Variants in HECW2 observed in about 807,000 individuals in gnomAD.
The protein encoded by HECW2 is E3 ubiquitin-protein ligase HECW2.
HECW2 carries 61 observed loss-of-function variants against 175.2 expected under a neutral mutation model. The ratio of observed to expected loss-of-function variants is 0.35; its 90% CI spans 0.28 to 0.43. The LOEUF is 0.43. HECW2 is among the 20% of genes least tolerant of loss of function. HECW2 has a pLI of 1.00. For synonymous variants in HECW2, 671 were observed against 731.0 expected (o/e 0.92, Z 1.32); for missense variants, 1,524 against 2,000.5 (o/e 0.76, Z 4.54).
At chr2:196,235,096 T>C (rs1688191441) in intron 21 of HECW2, among the ~76,000 whole-genome samples, 1 of 69,454 alleles carries the variant, frequency 1.4e-5, no homozygotes, top group Non-Finnish European at 3.3e-5. Flanking sequence ...AGGATTATTT[T>C]TGTATTTTTT....
chr2:196,246,470 C>T (rs1298602147), intron 19 of HECW2, among the ~76,000 whole-genome samples: 2 of 152,178 alleles, frequency 1.3e-5, no homozygotes, highest in Admixed American at 6.5e-5. Flanking sequence ...CTGCAAGCTC[C>T]ACCTCCCGGG....
chr2:196,309,767 TA>T (rs1340918988), intron 10 of HECW2, among the ~76,000 whole-genome samples: 2 of 152,022 alleles, frequency 1.3e-5, no homozygotes, highest in South Asian at 4.1e-4. Flanking sequence ...CAATTCAGGA[TA>T]AAAAAATAGA....
chr2:196,352,641 C>G (rs1272733815), intron 2 of HECW2, among the ~76,000 whole-genome samples: 1 of 152,084 alleles, frequency 6.6e-6, no homozygotes, highest in Non-Finnish European at 1.5e-5. Flanking sequence ...AACTGGGTGA[C>G]ATATAGTCAA....
rs1035154200 is a variant in HECW2, at chr2:196,402,026, G to A, written c.292+31106C>T. ...CCATCCTGGCTAACATGGTGAAACC[G>A]TGTCTCTACTAAAAATACAAAAAAA... On this transcript the variant is annotated intron_variant, in intron 2 of 28. Coordinates refer to ENST00000644978, the MANE Select transcript of HECW2 (RefSeq NM_001348768.2). Among the ~76,000 whole-genome samples, 10 of 151,544 alleles carry A rather than the reference G, an allele frequency of 6.6e-5. No individual in the cohort carries two copies. In the East Asian group the frequency reaches 1.6e-3, roughly 24 times the overall value.
chr2:196,492,739 G>C (rs1477997758), intron 1 of HECW2, among the ~76,000 whole-genome samples: 2 of 152,186 alleles, frequency 1.3e-5, no homozygotes, highest in Non-Finnish European at 2.9e-5. Flanking sequence ...AATATCAGTA[G>C]TGGCAAGTAA....
At chr2:196,473,477 T>A (rs889429736) in intron 1 of HECW2, among the ~76,000 whole-genome samples, 1 of 152,220 alleles carries the variant, frequency 6.6e-6, no homozygotes, top group Admixed American at 6.5e-5. Flanking sequence ...GGGATGACCA[T>A]TAATGGACTT....
intron 1 of HECW2, among the ~76,000 whole-genome samples, chr2:196,498,798 G>A (rs951208367): frequency 8.6e-5 from 13 of 152,040 alleles, no homozygotes; most frequent in Non-Finnish European, 1.5e-4. Flanking sequence ...TCACATGGCC[G>A]GTGGTCACAA....
At chr2:196,456,181 C>T (rs1696506183) in intron 1 of HECW2, among the ~76,000 whole-genome samples, 1 of 152,034 alleles carries the variant, frequency 6.6e-6, no homozygotes, top group Admixed American at 6.6e-5. Flanking sequence ...TTAAGTTAAA[C>T]AACAGAAGAA....
chr2:196,343,540 T>C, intron 3 of HECW2, 117 bp downstream of exon 3: 1 of 687,112 alleles, frequency 1.5e-6, no homozygotes. Flanking sequence ...CATCATGGCA[T>C]AAATATGTAA....
chr2:196,586,412 T>C (rs1325016057), intron 1 of HECW2: 1 of 152,142 alleles, frequency 6.6e-6, no homozygotes, highest in African/African-American at 2.4e-5. Context: ...ACAGATAAAA[T>C]ATTACACGAG....
intron 4 of HECW2, among the ~76,000 whole-genome samples, chr2:196,330,162 A>G (rs1692305949): frequency 1.3e-5 from 2 of 152,202 alleles, no homozygotes; most frequent in South Asian, 2.1e-4. Context: ...CTGCAGGTAC[A>G]TGGCACATGC....
intron 1 of HECW2, among the ~76,000 whole-genome samples, chr2:196,560,334 C>T (rs941594573): frequency 3.9e-5 from 6 of 152,046 alleles, no homozygotes; most frequent in Non-Finnish European, 7.4e-5. Context: ...TTAGTAGAGA[C>T]GGGGTTTCAC....
At chr2:196,507,786 G>A (rs1177812799) in intron 1 of HECW2, among the ~76,000 whole-genome samples, 1 of 152,198 alleles carries the variant, frequency 6.6e-6, no homozygotes, top group African/African-American at 2.4e-5. Context: ...GATTGGGAGA[G>A]AGAATGCTCT....
intron 3 of HECW2, among the ~76,000 whole-genome samples, chr2:196,338,070 G>A (rs1361927593): frequency 6.6e-6 from 1 of 152,168 alleles, no homozygotes; most frequent in Non-Finnish European, 1.5e-5. Context: ...CCTCAGGGTA[G>A]CAGCATGCCT....
intron 1 of HECW2, among the ~76,000 whole-genome samples, chr2:196,529,231 A>G (rs1688765263): frequency 6.6e-6 from 1 of 152,232 alleles, no homozygotes; most frequent in Non-Finnish European, 1.5e-5. Flanking sequence ...GCTGTGATCA[A>G]GAATGATATT....
intron 2 of HECW2, among the ~76,000 whole-genome samples, chr2:196,358,296 G>A (rs757649132): frequency 2.6e-5 from 4 of 151,974 alleles, no homozygotes; most frequent in South Asian, 2.1e-4. Flanking sequence ...ATTTCGGACC[G>A]GGCACGGTGG....
intron 4 of HECW2, among the ~76,000 whole-genome samples, chr2:196,333,878 G>A (rs941025128): frequency 6.6e-6 from 1 of 152,064 alleles, no homozygotes. Context: ...TAAAGAAGTT[G>A]ACTTCCATTG....
intron 1 of HECW2, among the ~76,000 whole-genome samples, chr2:196,442,912 G>A (rs539202483): frequency 7.9e-5 from 12 of 152,048 alleles, no homozygotes; most frequent in Non-Finnish European, 1.5e-4. Flanking sequence ...GGTTATCTTC[G>A]AGGGCTCCTT....
intron 26 of HECW2, chr2:196,218,054 T>C (rs1353803768): frequency 2.0e-5 from 3 of 152,238 alleles, no homozygotes; most frequent in Non-Finnish European, 1.5e-5. Flanking sequence ...TGATCAAAAC[T>C]GGATTGAACA....
Sources: gnomAD v4.1 joint callset for allele counts (sites outside exome capture counted in the v4.1 genomes callset) on GRCh38, gnomAD v4.1.1 for gene constraint, MANE v1.5 for transcripts, NCBI Gene and HGNC (gene_info 2026-07-23, HGNC 2026-07-21) for gene names.